PKD1: variants seen among roughly 807,000 people sequenced by gnomAD.
PKD1 encodes polycystin 1, transient receptor potential channel interacting, also known as polycystin-1.
In PKD1, 81 loss-of-function variants were observed where a neutral mutation model predicts 361.7. The observed-to-expected ratio is 0.22, with a 90% CI of 0.19 to 0.27. PKD1 has a LOEUF of 0.27. Ranked by LOEUF, PKD1 falls within the 10% of genes least tolerant of loss-of-function variation. The probability of loss-of-function intolerance (pLI) is 1.00; values close to 1 mark genes in which losing one functional copy is unlikely to be tolerated. For missense variants in PKD1, 6,399 were observed against 6,118.3 expected (o/e 1.05, Z -1.53); for synonymous variants, 3,615 against 2,818.3 (o/e 1.28, Z -8.95).
At chr16:2,101,142 C>G (rs1450998542) in intron 26 of PKD1, among the ~76,000 whole-genome samples, 1 of 152,112 alleles carries the variant, frequency 6.6e-6, no homozygotes, top group African/African-American at 2.4e-5. Context: ...CCTGCCACTA[C>G]GCCGGGCTAA....
rs2092646077 is a variant in PKD1, at chr16:2,116,828, C to T, written c.1606+5G>A. On this transcript the variant is annotated splice_donor_5th_base_variant and intron_variant, in intron 7 of 45. Transcript: ENST00000262304. ...TCTCAGGCCCCTGCCTGGCCCCCCG[C>T]ACACCTCCGGGCTGCAGCTCGCAGA... The T allele has an allele frequency of 6.6e-7, 1 of 1,517,186 alleles. No homozygotes were observed. The highest frequency in any genetic ancestry group is 8.8e-7 in the Non-Finnish European group (1 of 1,131,490). The allele number at this position is 1,517,186 out of a possible 1,614,324, so 94.0% of individuals were successfully genotyped here.
At chr16:2,122,984 C>T (rs897957164) in intron 1 of PKD1, among the ~76,000 whole-genome samples, 12 of 152,188 alleles carry the variant, frequency 7.9e-5, no homozygotes, top group Non-Finnish European at 1.5e-4. Flanking sequence ...CTGGAAAATC[C>T]ATCAAGAGTG....
intron 1 of PKD1, among the ~76,000 whole-genome samples, chr16:2,127,873 T>G (rs1244849926): frequency 1.4e-5 from 2 of 141,866 alleles, no homozygotes; most frequent in African/African-American, 5.3e-5. Flanking sequence ...AACAGGAAAC[T>G]AGAGAGAAGG....
In PKD1 at chr16:2,106,757, G is replaced by A. The variant is rs751528207; in HGVS notation, c.7209+48C>T. 1.9e-5 allele frequency: 28 copies of A among 1,505,080 alleles called. No individual in the cohort carries two copies. The highest frequency in any genetic ancestry group is 9.1e-5 in the East Asian group (4 of 44,052). 93.2% of individuals were successfully genotyped at this position (1,505,080 alleles called of 1,614,324 possible). A position where few individuals can be genotyped will look rare whatever the true frequency, so the allele number is the denominator to read the frequency against. On this transcript the variant is annotated intron_variant, in intron 17 of 45. Transcript: ENST00000262304. This position sits in a 1 kb window ranked among gnomAD's most constrained non-coding sequence, Gnocchi z 6.5. ...TTCTGCCTGCAGGCCCCGTCCCCTCGGCCATGGGACCCATCCCCAGCCCGC... is the reference window on the plus strand; with the variant it reads ...TTCTGCCTGCAGGCCCCGTCCCCTCAGCCATGGGACCCATCCCCAGCCCGC...
intron 11 of PKD1, 158 bp downstream of exon 11, chr16:2,114,012 G>A: frequency 1.5e-6 from 1 of 656,516 alleles, no homozygotes; most frequent in Non-Finnish European, 2.6e-6. Flanking sequence ...AGCCCACCAG[G>A]TAGCCCGAGG....
intron 14 of PKD1, among the ~76,000 whole-genome samples, 181 bp from the exon 15 acceptor site, chr16:2,112,052 G>C (rs2151802842): frequency 6.6e-6 from 1 of 152,356 alleles, no homozygotes; most frequent in South Asian, 2.1e-4. Flanking sequence ...ACTGAGGGCT[G>C]CCTGGCGAGG....
At chr16:2,105,115 C>T (rs938973460) in intron 21 of PKD1, among the ~76,000 whole-genome samples, 1 of 148,190 alleles carries the variant, frequency 6.7e-6, no homozygotes, top group Admixed American at 6.7e-5. Flanking sequence ...TCTTTACACC[C>T]TGGGTCCCCC....
In PKD1 at chr16:2,091,406, G is replaced by C. The variant is rs2091569228; in HGVS notation, c.11712+17C>G. 2 of 1,133,488 alleles carry C rather than the reference G, an allele frequency of 1.8e-6. No individual in the cohort carries two copies. Among genetic ancestry groups the C allele is most frequent in the African/African-American group, 1.7e-5 (1 of 59,228 alleles). 70.2% of individuals were successfully genotyped at this position (1,133,488 alleles called of 1,614,324 possible). On this transcript the variant is annotated intron_variant, in intron 42 of 45. Transcript: ENST00000262304. ...CTGCCGGTGGGAGGCGCGGGGTCTGGCCGGGGACGGGCGTACCGAGGTGAG... is the reference window on the plus strand; with the variant it reads ...CTGCCGGTGGGAGGCGCGGGGTCTGCCCGGGGACGGGCGTACCGAGGTGAG...
At chr16:2,123,377 C>T (rs1390668893) in intron 1 of PKD1, 3 of 431,014 alleles carry the variant, frequency 7.0e-6, no homozygotes, top group Admixed American at 2.6e-5. Flanking sequence ...CAGGTGCCCC[C>T]TGGGTGTGGA....
Position 2,111,312 on chromosome 16 carries a change from C to A in PKD1, c.3855G>T (p.Arg1285=). 1 of 1,609,004 alleles carries A rather than the reference C, an allele frequency of 6.2e-7. No homozygotes were observed. Among genetic ancestry groups the A allele is most frequent in the Non-Finnish European group, 8.5e-7 (1 of 1,179,084 alleles). The change falls in exon 15 of 46, where the codon CGG becomes CGT. Residue 1285 remains arginine, a synonymous_variant. Transcript: ENST00000262304. ...GGACGAAGACCAGCACGTGCAGGCT[C>A]CGGGCCAGGTGGCCGGCGGGGCTGG... ...GAASPAGHLA[R]SLHVLVFVLE... is the part of the protein sequence containing the mutation.
At chr16:2,098,150 C>T (rs562494361) in intron 30 of PKD1, 166 bp from the exon 31 acceptor site, 19 of 610,022 alleles carry the variant, frequency 3.1e-5, no homozygotes, top group Admixed American at 8.0e-5. Flanking sequence ...GGCAGCCCCT[C>T]GCGACGTGTG....
chr16:2,110,173 C>T lies in PKD1; in HGVS notation c.4994G>A (p.Ser1665Asn). 6.2e-7 allele frequency: 1 copy of T among 1,610,906 alleles called. No individual in the cohort carries two copies. Among genetic ancestry groups the T allele is most frequent in the Non-Finnish European group, 8.5e-7 (1 of 1,179,774 alleles). Reference protein sequence around the residue: ...VVRDGTNVSYSWTAWRDRGPA... With the variant: ...VVRDGTNVSYNWTAWRDRGPA... ...GCCCCTGTCCCTCCAGGCAGTCCAGCTGTAGGAGACGTTGGTGCCATCCCT... is the reference window on the plus strand; with the variant it reads ...GCCCCTGTCCCTCCAGGCAGTCCAGTTGTAGGAGACGTTGGTGCCATCCCT... Residue 1665 changes from serine to asparagine, a missense_variant, in exon 15 of 46, where the codon AGC becomes AAC. Physicochemically the swap from Ser to Asn is conservative, Grantham distance 46. Transcript: ENST00000262304.
In PKD1 at chr16:2,102,226, T is replaced by C. The variant is rs1241933590; in HGVS notation, c.9232A>G (p.Met3078Val). ...ACCAGGCACACAGCACATGTCAGCA[T>C]GACGATGTAGTTTACATCCGCTGTC... Reference protein sequence around the residue: ...EPTADVNYIVMLTCAVCLVTY... With the variant: ...EPTADVNYIVVLTCAVCLVTY... The change falls in exon 26 of 46, where the codon ATG (methionine) becomes GTG (valine). Residue 3078 changes from methionine (M) to valine (V), a missense_variant. Met to Val is a conservative substitution (Grantham distance 21). Coordinates refer to ENST00000262304, the MANE Select transcript of PKD1 (RefSeq NM_001009944.3). The C allele has an allele frequency of 2.0e-6, 3 of 1,529,094 alleles. No homozygotes were observed. Among genetic ancestry groups the C allele is most frequent in the South Asian group, 1.1e-5 (1 of 89,088 alleles). The allele number at this position is 1,529,094 out of a possible 1,614,324, so 94.7% of individuals were successfully genotyped here. A position where few individuals can be genotyped will look rare whatever the true frequency, so the allele number is the denominator to read the frequency against.
chr16:2,116,635 T>A lies in PKD1; in HGVS notation c.1616A>T (p.Gln539Leu), dbSNP rs753367086. The A allele has an allele frequency of 7.2e-6, 11 of 1,527,494 alleles. No individual in the cohort carries two copies. The highest frequency in any genetic ancestry group is 9.7e-6 in the Non-Finnish European group (11 of 1,134,114). The allele number at this position is 1,527,494 out of a possible 1,614,324, so 94.6% of individuals were successfully genotyped here. A position where few individuals can be genotyped will look rare whatever the true frequency, so the allele number is the denominator to read the frequency against. ...VCELQPGGPV[Q>L]DAENLLVGAP... The stretch of plus-strand genomic sequence containing the variant: ...TCCCACGAGGAGGTTCTCGGCATCC[T>A]GCACTGGGCCTGGGGTGGCGAGTGC... Residue 539 changes from glutamine to leucine, a missense_variant, in exon 8 of 46, where the codon CAG becomes CTG. Coordinates refer to ENST00000262304, the MANE Select transcript of PKD1 (RefSeq NM_001009944.3).
At chr16:2,126,487 C>T (rs1262294434) in intron 1 of PKD1, among the ~76,000 whole-genome samples, 1 of 152,284 alleles carries the variant, frequency 6.6e-6, no homozygotes, top group African/African-American at 2.4e-5. Flanking sequence ...GCCTGGGCAC[C>T]CTGGCCCCTA....
In PKD1 at chr16:2,110,283, G is replaced by A. The variant is rs770255086; in HGVS notation, c.4884C>T (p.Val1628=). Residue 1628 remains valine (V), a synonymous_variant, in exon 15 of 46, where the codon GTC becomes GTT. Transcript: ENST00000262304. ...GSAQDSIFVY[V]LQLIEGLQVV... is the part of the protein sequence containing the mutation. ...CCTGCAGCCCCTCTATGAGCTGCAG[G>A]ACATAGACGAAGATGCTGTCCTGGG... 2.5e-6 allele frequency: 4 copies of A among 1,612,496 alleles called. No homozygotes were observed. Among genetic ancestry groups the A allele is most frequent in the East Asian group, 2.2e-5 (1 of 44,896 alleles).
At position 2,103,788 on chromosome 16, in the gene PKD1, A is replaced by G; in HGVS notation, c.8269T>C (p.Ser2757Pro). ...MVASQAYNLT[S>P]ALMRILMRSR... ...CGCATGAGGATGCGCATGAGGGCAG[A>G]GGTCAGGTTGTAGGCCTGGGACGCC... The change falls in exon 23 of 46, where the codon TCT becomes CCT. Residue 2757 changes from serine (S) to proline (P), a missense_variant. Transcript: ENST00000262304. 1 of 1,609,476 alleles carries G rather than the reference A, an allele frequency of 6.2e-7. No homozygotes were observed. Among genetic ancestry groups the G allele is most frequent in the Non-Finnish European group, 8.5e-7 (1 of 1,179,532 alleles).
Position 2,090,338 on chromosome 16 carries a change from C to T in PKD1, c.12391G>A (p.Glu4131Lys). 3 of 1,612,406 alleles carry T rather than the reference C, an allele frequency of 1.9e-6. No homozygotes were observed. Among genetic ancestry groups the T allele is most frequent in the South Asian group, 2.2e-5 (2 of 91,050 alleles). The change falls in exon 45 of 46, where the codon GAG becomes AAG. Residue 4131 changes from glutamate (E) to lysine (K), a missense_variant. Transcript: ENST00000262304. Reference sequence around the variant, plus strand: ...AGGCGCAGCCTGCGCAGGAACAACTCCACCATCTCGTAGTCCTGGGGCTCC... The same window carrying T: ...AGGCGCAGCCTGCGCAGGAACAACTTCACCATCTCGTAGTCCTGGGGCTCC... ...AWEPQDYEMVELFLRRLRLWM... is the reference protein window; with the variant it reads ...AWEPQDYEMVKLFLRRLRLWM...
In PKD1 at chr16:2,116,881, C is replaced by G; in HGVS notation, c.1558G>C (p.Asp520His). The G allele has an allele frequency of 6.5e-7, 1 of 1,531,774 alleles. No individual in the cohort carries two copies. Among genetic ancestry groups the G allele is most frequent in the Non-Finnish European group, 8.7e-7 (1 of 1,142,932 alleles). 94.9% of individuals were successfully genotyped at this position (1,531,774 alleles called of 1,614,324 possible). A position where few individuals can be genotyped will look rare whatever the true frequency, so the allele number is the denominator to read the frequency against. Residue 520 changes from aspartate to histidine, a missense_variant, in exon 7 of 46, where the codon GAC (aspartate) becomes CAC (histidine). Asp to His is a moderately conservative substitution (Grantham distance 81). Transcript: ENST00000262304. ...RLGPTGWCNT[D>H]LCSAPHSYVC... ...TAGCTGTGCGGCGCTGAGCACAGGT[C>G]GGTGTTACACCACCCGGTGGGCCCG...
Sources: allele counts gnomAD v4.1 joint callset (sites outside exome capture counted in the v4.1 genomes callset), GRCh38; gene constraint gnomAD v4.1.1; non-coding constraint Gnocchi (gnomAD v3.1); transcripts MANE v1.5; gene names NCBI Gene and HGNC (gene_info 2026-07-23, HGNC 2026-07-21).